DLEU7: variants seen among roughly 807,000 people sequenced by gnomAD.
DLEU7 encodes the protein leukemia-associated protein 7.
In DLEU7, 17 loss-of-function variants were observed where a neutral mutation model predicts 16.0. The observed-to-expected ratio is 1.06, with a 90% CI of 0.73 to 1.59. DLEU7 has a LOEUF of 1.59. Among genes scored for constraint, DLEU7 ranks in the 40% most tolerant of loss-of-function variants. The pLI is 0.00. For synonymous variants in DLEU7, 113 were observed against 139.8 expected, an observed-to-expected ratio of 0.81 and a Z score of 1.35; for missense variants, 308 against 314.9, an observed-to-expected ratio of 0.98 and a Z score of 0.17.
chr13:50,816,065 T>A (rs936253610), intron 1 of DLEU7, among the ~76,000 whole-genome samples: 7 of 152,108 alleles, frequency 4.6e-5, no homozygotes, highest in African/African-American at 1.7e-4. Flanking sequence ...TGTCTCTCAT[T>A]CATTAATCTC....
intron 1 of DLEU7, among the ~76,000 whole-genome samples, chr13:50,808,322 G>T (rs1226331836): frequency 6.6e-6 from 1 of 152,004 alleles, no homozygotes; most frequent in African/African-American, 2.4e-5. Flanking sequence ...AAGAAATTGG[G>T]GCATCCATGT....
chr13:50,822,944 C>T lies in DLEU7; in HGVS notation c.*370G>A, dbSNP rs1020592616. On this transcript the variant is annotated 3_prime_UTR_variant, in exon 2 of 2. Transcript: ENST00000504404. ...ATGGAACTTTAATTATATAAATAAC[C>T]ACATTAAACCCTTTAGACCTACATT... 10 of 962,182 alleles carry T rather than the reference C, an allele frequency of 1.0e-5. No individual in the cohort carries two copies. The highest frequency in any genetic ancestry group is 1.2e-5 in the Non-Finnish European group (10 of 806,392). The allele number at this position is 962,182 out of a possible 1,614,324, so 59.6% of individuals were successfully genotyped here. A position where few individuals can be genotyped will look rare whatever the true frequency, so the allele number is the denominator to read the frequency against.
At chr13:50,770,319 G>A (rs1291205918) in intron 1 of DLEU7, among the ~76,000 whole-genome samples, 1 of 152,180 alleles carries the variant, frequency 6.6e-6, no homozygotes, top group African/African-American at 2.4e-5. Context: ...TTGAATAGGA[G>A]TGGTGAGAGA....
At chr13:50,770,046 G>A (rs1875247684) in intron 1 of DLEU7, among the ~76,000 whole-genome samples, 1 of 152,114 alleles carries the variant, frequency 6.6e-6, no homozygotes, top group African/African-American at 2.4e-5. Flanking sequence ...GTGAATGGGA[G>A]TTCACTCATG....
chr13:50,817,712 A>T (rs1368445882), intron 1 of DLEU7, among the ~76,000 whole-genome samples: 1 of 152,154 alleles, frequency 6.6e-6, no homozygotes, highest in Non-Finnish European at 1.5e-5. Flanking sequence ...TTCTGTCAGA[A>T]GCAAGTGTCC....
At chr13:50,809,672 A>G (rs1312379682) in intron 1 of DLEU7, among the ~76,000 whole-genome samples, 1 of 152,158 alleles carries the variant, frequency 6.6e-6, no homozygotes, top group Non-Finnish European at 1.5e-5. Context: ...AGATGGAAAC[A>G]CTTAACCAGG....
At chr13:50,739,007 A>G (rs9568461) in intron 1 of DLEU7, among the ~76,000 whole-genome samples, 8 of 83,934 alleles carry the variant, frequency 9.5e-5, no homozygotes, top group East Asian at 1.0e-3. Flanking sequence ...ACACACACGC[A>G]CACACACACA....
chr13:50,759,578 A>G (rs1874865416), intron 1 of DLEU7, among the ~76,000 whole-genome samples: 1 of 152,194 alleles, frequency 6.6e-6, no homozygotes, highest in African/African-American at 2.4e-5. Flanking sequence ...CTTATCATGA[A>G]TAGATCAGGG....
At chr13:50,749,185 C>T (rs9568465) in intron 1 of DLEU7, among the ~76,000 whole-genome samples, 7,942 of 152,058 alleles carry the variant, frequency 0.052, 463 homozygotes, top group East Asian at 0.21. Context: ...TAATAGTCTC[C>T]AATCTCACCT....
chr13:50,803,708 T>C (rs1876309258), intron 1 of DLEU7, among the ~76,000 whole-genome samples: 1 of 152,152 alleles, frequency 6.6e-6, no homozygotes, highest in Admixed American at 6.5e-5. Context: ...AAAAAGGTGA[T>C]GCATTTCTTT....
At chr13:50,792,499 G>A (rs766003600) in intron 1 of DLEU7, among the ~76,000 whole-genome samples, 27 of 152,092 alleles carry the variant, frequency 1.8e-4, no homozygotes, top group Admixed American at 1.1e-3. Flanking sequence ...GAGTATGCTG[G>A]GGGAAGACAG....
Position 50,842,836 on chromosome 13 carries a change from G to A in DLEU7, c.459+352C>T, listed in dbSNP as rs368104345. Among the ~76,000 whole-genome samples the A allele has an allele frequency of 2.1e-4, 32 of 152,326 alleles. 3 individuals carry two copies. The highest frequency in any genetic ancestry group is 1.4e-3 in the Admixed American group (21 of 15,306). On this transcript the variant is annotated intron_variant, in intron 1 of 1. Transcript: ENST00000504404. ...GCGTTATTAATTTGGAAAGTGGGTG[G>A]GGGGAGCTGTCCTCTATCCCTACAA...
At chr13:50,790,120 A>G (rs1875908743) in intron 1 of DLEU7, among the ~76,000 whole-genome samples, 1 of 151,772 alleles carries the variant, frequency 6.6e-6, no homozygotes, top group African/African-American at 2.4e-5. Context: ...TTTAGTAGAG[A>G]TGGGATTTCA....
intron 1 of DLEU7, among the ~76,000 whole-genome samples, chr13:50,750,729 T>C (rs563006056): frequency 1.6e-4 from 25 of 152,210 alleles, no homozygotes; most frequent in Non-Finnish European, 3.2e-4. Context: ...GAGTTCTTGA[T>C]TTGATTCTCT....
At chr13:50,829,144 A>T (rs1475110142) in intron 1 of DLEU7, among the ~76,000 whole-genome samples, 3 of 152,182 alleles carry the variant, frequency 2.0e-5, no homozygotes, top group African/African-American at 7.2e-5. Context: ...GCCCAAGACA[A>T]TTCTTCTAAT....
At position 50,809,582 on chromosome 13, in the gene DLEU7, A is replaced by G. The variant is rs760832126; in HGVS notation, c.459+33606T>C. On this transcript the variant is annotated intron_variant, in intron 1 of 1. Transcript: ENST00000400393. ...CTGGATCTCTGTTGGGTCAGCCAGC[A>G]TGCAATCTTACCTTCTGTCTCCACG... 2.6e-5 allele frequency among the ~76,000 whole-genome samples: 4 copies of G among 152,146 alleles called. No homozygotes were observed. In the East Asian group the frequency reaches 7.7e-4, roughly 29 times the overall value.
intron 1 of DLEU7, among the ~76,000 whole-genome samples, chr13:50,763,194 C>T (rs562247153): frequency 4.3e-4 from 65 of 152,156 alleles, no homozygotes; most frequent in Non-Finnish European, 7.2e-4. Context: ...GTCCTGGGGA[C>T]GCTGGGGAGG....
At chr13:50,752,853 G>A (rs538922843) in intron 1 of DLEU7, among the ~76,000 whole-genome samples, 121 of 152,130 alleles carry the variant, frequency 8.0e-4, no homozygotes, top group Non-Finnish European at 1.5e-3. Flanking sequence ...GGACCCAAGC[G>A]GGTTGCCACT....
At chr13:50,780,898 T>C (rs73186316) in intron 1 of DLEU7, among the ~76,000 whole-genome samples, 5,213 of 152,264 alleles carry the variant, frequency 0.034, 154 homozygotes, top group Admixed American at 0.082. Flanking sequence ...TCGTTTCCCC[T>C]GTTCTGCCAG....
Sources: gnomAD v4.1 joint callset for allele counts (sites outside exome capture counted in the v4.1 genomes callset) on GRCh38, gnomAD v4.1.1 for gene constraint, MANE v1.5 for transcripts, NCBI Gene and HGNC (gene_info 2026-07-23, HGNC 2026-07-21) for gene names.